Variants in SNTG1 observed in about 807,000 individuals in gnomAD.
The protein encoded by SNTG1 is gamma-1-syntrophin.
SNTG1 carries 39 observed loss-of-function variants against 74.7 expected under a neutral mutation model. That is an observed-to-expected ratio of 0.52 (90% CI 0.40 to 0.68). The LOEUF (loss-of-function observed/expected upper bound fraction) is 0.68. Ranked by LOEUF, SNTG1 falls within the 30% of genes least tolerant of loss-of-function variation. The probability of loss-of-function intolerance (pLI) is 0.00; values close to 1 mark genes in which losing one functional copy is unlikely to be tolerated. For missense variants in SNTG1, 685 were observed against 609.5 expected (o/e 1.12, Z -1.30); for synonymous variants, 254 against 217.1 (o/e 1.17, Z -1.49).
chr8:50,326,105 C>A (rs1441986664), intron 2 of SNTG1, among the ~76,000 whole-genome samples: 1 of 151,910 alleles, frequency 6.6e-6, no homozygotes, highest in Non-Finnish European at 1.5e-5. Flanking sequence ...TAGTTGTATA[C>A]ACTGTTGGAT....
intron 1 of SNTG1, among the ~76,000 whole-genome samples, chr8:50,157,273 A>G (rs2082281838): frequency 6.6e-6 from 1 of 152,128 alleles, no homozygotes. Context: ...GATGAAAATC[A>G]GAAGAGTGAC....
intron 15 of SNTG1, among the ~76,000 whole-genome samples, chr8:50,672,050 G>T (rs1183140053): frequency 4.3e-5 from 5 of 116,406 alleles, no homozygotes; most frequent in Non-Finnish European, 3.5e-5. Flanking sequence ...GTTGTGGGGT[G>T]GGGGGAGGGG....
At chr8:50,553,737 T>A (rs1490810931) in intron 12 of SNTG1, among the ~76,000 whole-genome samples, 1 of 152,204 alleles carries the variant, frequency 6.6e-6, no homozygotes, top group Non-Finnish European at 1.5e-5. Flanking sequence ...TGTAGCTATC[T>A]TCTCATTATT....
chr8:50,670,028 G>T (rs910919156), intron 15 of SNTG1, among the ~76,000 whole-genome samples: 1 of 152,114 alleles, frequency 6.6e-6, no homozygotes, highest in Non-Finnish European at 1.5e-5. Context: ...ATTAGGTATT[G>T]ATGGGATGTA....
intron 4 of SNTG1, among the ~76,000 whole-genome samples, chr8:50,422,326 A>G (rs910928226): frequency 3.5e-4 from 12 of 34,264 alleles, no homozygotes; most frequent in Non-Finnish European, 1.6e-3. Context: ...GACCAAGTAG[A>G]CAAAAAGATA....
chr8:49,962,503 C>T (rs1319222042), intron 1 of SNTG1, among the ~76,000 whole-genome samples: 1 of 151,886 alleles, frequency 6.6e-6, no homozygotes, highest in Non-Finnish European at 1.5e-5. Flanking sequence ...GGGTCTTGTT[C>T]CAACTCTGTG....
chr8:50,413,564 T>C (rs1348805209), intron 4 of SNTG1, among the ~76,000 whole-genome samples: 2 of 152,226 alleles, frequency 1.3e-5, no homozygotes. Flanking sequence ...TATCTGAAGA[T>C]GTATTTTCTT....
intron 1 of SNTG1, among the ~76,000 whole-genome samples, chr8:49,917,182 A>G (rs1373090031): frequency 6.6e-6 from 1 of 152,140 alleles, no homozygotes; most frequent in Non-Finnish European, 1.5e-5. Flanking sequence ...ATGGTTTGTC[A>G]TCAATTGGTT....
intron 1 of SNTG1, among the ~76,000 whole-genome samples, chr8:49,965,753 T>C (rs563281370): frequency 6.6e-6 from 1 of 152,342 alleles, no homozygotes; most frequent in East Asian, 1.9e-4. Context: ...ATTTCAAAGA[T>C]ATTTAAAACC....
chr8:50,374,481 C>G (rs2092335004), intron 2 of SNTG1, among the ~76,000 whole-genome samples: 1 of 152,168 alleles, frequency 6.6e-6, no homozygotes, highest in Non-Finnish European at 1.5e-5. Flanking sequence ...ATATGGGCAG[C>G]TCAACTGTTG....
intron 2 of SNTG1, among the ~76,000 whole-genome samples, chr8:50,333,491 C>T (rs2091036476): frequency 6.6e-6 from 1 of 152,178 alleles, no homozygotes; most frequent in Admixed American, 6.5e-5. Flanking sequence ...GTTTATAATA[C>T]TTCAGCTTCT....
Position 50,332,094 on chromosome 8 carries a change from G to T in SNTG1, c.-27-62118G>T, listed in dbSNP as rs41434950. ...TTCTAAGCTTCTCTGACTCTCAAAT[G>T]CATGTTCTTGACTATTGAGCTGTGG... On this transcript the variant is annotated intron_variant, in intron 2 of 18. Transcript: ENST00000642720. Among the ~76,000 whole-genome samples the T allele has an allele frequency of 4.8e-4, 73 of 152,284 alleles. 1 individual carries two copies. The East Asian group carries it at 0.014, about 29-fold the overall frequency.
In SNTG1 at chr8:49,951,352, C is replaced by T. The variant is rs186766868; in HGVS notation, c.-103+39121C>T. On this transcript the variant is annotated intron_variant, in intron 1 of 18. Transcript: ENST00000642720. ...TTTGGTTACAATATCTAAATAAATC[C>T]TCACAAATCTTGAGAGACAAATGAA... Among the ~76,000 whole-genome samples the T allele has an allele frequency of 3.4e-3, 520 of 152,200 alleles. 2 individuals carry two copies. The highest frequency in any genetic ancestry group is 0.012 in the African/African-American group (497 of 41,534).
At chr8:50,006,671 G>A (rs1815270329) in intron 1 of SNTG1, among the ~76,000 whole-genome samples, 1 of 152,048 alleles carries the variant, frequency 6.6e-6, no homozygotes, top group African/African-American at 2.4e-5. Context: ...TATTCTGAAT[G>A]GTTTATCTTG....
At chr8:50,473,497 A>AGATGGCTAT (rs1245233355) in intron 8 of SNTG1, among the ~76,000 whole-genome samples, 7 of 152,194 alleles carry the variant, frequency 4.6e-5, no homozygotes, top group Admixed American at 6.5e-5. Context: ...GCCATTATGA[A>AGATGGCTAT]GAACAGTATG....
chr8:50,565,916 G>C (rs561375457), intron 12 of SNTG1, among the ~76,000 whole-genome samples: 1 of 151,780 alleles, frequency 6.6e-6, no homozygotes, highest in Non-Finnish European at 1.5e-5. Flanking sequence ...GTAATAAAAG[G>C]TACCTATTCA....
At chr8:50,128,174 C>T (rs1038134687) in intron 1 of SNTG1, among the ~76,000 whole-genome samples, 4 of 152,102 alleles carry the variant, frequency 2.6e-5, no homozygotes. Context: ...TACAGAGAAA[C>T]TACTTGCTTA....
chr8:50,570,615 A>ATTG (rs1175221385), intron 12 of SNTG1, among the ~76,000 whole-genome samples: 1 of 134,736 alleles, frequency 7.4e-6, no homozygotes, highest in Non-Finnish European at 1.6e-5. Flanking sequence ...TATTATTATT[A>ATTG]TTATTATTTA....
At chr8:50,550,162 C>CA (rs1479693849) in intron 11 of SNTG1, among the ~76,000 whole-genome samples, 6 of 152,118 alleles carry the variant, frequency 3.9e-5, no homozygotes, top group Admixed American at 1.3e-4. Context: ...TAGGACCACC[C>CA]AAGCCACACA....
Sources: allele counts gnomAD v4.1 joint callset (sites outside exome capture counted in the v4.1 genomes callset), GRCh38; gene constraint gnomAD v4.1.1; transcripts MANE v1.5; gene names NCBI Gene and HGNC (gene_info 2026-07-23, HGNC 2026-07-21).